The following NEB variants were observed in gnomAD, a reference collection of about 807,000 sequenced individuals.
NEB encodes the protein nebulin, also known as nemaline myopathy type 2.
A neutral mutation model predicts 952.2 loss-of-function variants in NEB; 512 were observed. That is an observed-to-expected ratio of 0.54 (90% CI 0.50 to 0.58). The LOEUF (loss-of-function observed/expected upper bound fraction) is 0.58, where lower values mean the gene tolerates loss of function less well. Among genes scored for constraint, NEB ranks in the 20% least tolerant of loss-of-function variants. The probability of loss-of-function intolerance (pLI) is 0.00; values close to 1 mark genes in which losing one functional copy is unlikely to be tolerated. For synonymous variants in NEB, 2,900 were observed against 3,149.8 expected, an observed-to-expected ratio of 0.92 and a Z score of 2.66; for missense variants, 8,428 against 9,231.1, an observed-to-expected ratio of 0.91 and a Z score of 3.56.
chr2:151,497,267 G>C (rs1298657510), intron 171 of NEB: 5 of 913,110 alleles, frequency 5.5e-6, no homozygotes, highest in African/African-American at 3.6e-5. Context: ...AAGGCTGTCA[G>C]AGTTATCCAT....
intron 13 of NEB, among the ~76,000 whole-genome samples, chr2:151,698,589 G>A (rs1387189192): frequency 6.8e-6 from 1 of 147,804 alleles, no homozygotes; most frequent in Admixed American, 6.7e-5. Context: ...CTCTTAGCAT[G>A]TTTTCAAGCT....
At chr2:151,672,715 G>A (rs1453968796) in intron 36 of NEB, 35 bp from the exon 37 acceptor site, 3 of 1,522,218 alleles carry the variant, frequency 2.0e-6, no homozygotes, top group Admixed American at 1.8e-5. Context: ...AAAGTCCTAG[G>A]CATTGATAGC....
chr2:151,537,928 T>A lies in NEB; in HGVS notation c.21046A>T (p.Ile7016Phe), dbSNP rs568473495. ...YMSQLGIWRS[I>F]PDRPEHFHHR... ...TGGAAATGCTCTGGACGATCAGGAA[T>A]GGACCTCCAGATACCCAACTGGCTC... Residue 7016 changes from isoleucine (I) to phenylalanine (F), a missense_variant, in exon 140 of 182, where the codon ATT becomes TTT. Transcript: ENST00000397345. 3.1e-6 allele frequency: 5 copies of A among 1,613,558 alleles called. No homozygotes were observed. In the Admixed American group the frequency reaches 5.0e-5, roughly 16 times the overall value.
Position 151,723,501 on chromosome 2 carries a change from A to G in NEB, c.613-15T>C, listed in dbSNP as rs765317009. On this transcript the variant is annotated splice_polypyrimidine_tract_variant and intron_variant, in intron 8 of 181. Coordinates refer to ENST00000397345, the MANE Select transcript of NEB (RefSeq NM_001164508.2). ...GTGTACAGTTTCTAAATCAAAAAAG[A>G]GTGAAAAGTTAGGAGGAAGTAGGGT... is the stretch of plus-strand genomic sequence containing the variant. 1 of 1,572,744 alleles carries G rather than the reference A, an allele frequency of 6.4e-7. No homozygotes were observed. The highest frequency in any genetic ancestry group is 1.1e-5 in the South Asian group (1 of 87,006).
intron 10 of NEB, among the ~76,000 whole-genome samples, chr2:151,713,560 T>A (rs964096604): frequency 6.6e-6 from 1 of 152,180 alleles, no homozygotes; most frequent in Non-Finnish European, 1.5e-5. Flanking sequence ...TAGGCTCCAG[T>A]TGGTATCAGT....
At chr2:151,551,673 G>C in intron 129 of NEB, 65 bp downstream of exon 129, 1 of 1,289,888 alleles carries the variant, frequency 7.8e-7, no homozygotes, top group South Asian at 1.3e-5. Context: ...AGCAAGCTCA[G>C]CTTGCTTCCA....
At chr2:151,519,909 A>C (rs966580425) in intron 153 of NEB, 141 bp from the exon 154 acceptor site, 8 of 572,260 alleles carry the variant, frequency 1.4e-5, no homozygotes, top group Non-Finnish European at 2.5e-5. Context: ...TGGGACATTT[A>C]GAGTAAAGAA....
Position 151,553,963 on chromosome 2 carries a change from T to A in NEB, c.19491A>T (p.Val6497=). Residue 6497 remains valine (V), a synonymous_variant, in exon 126 of 182, where the codon GTA becomes GTT. Transcript: ENST00000397345. ...KMKIHIVPDM[V]EMVTAKDSQK... ...GGGAATCCTTGGCAGTAACCATCTC[T>A]ACCATGTCGGGCACGATGTGGATTT... 6.2e-7 allele frequency: 1 copy of A among 1,613,924 alleles called. No homozygotes were observed. The highest frequency in any genetic ancestry group is 8.5e-7 in the Non-Finnish European group (1 of 1,179,812).
Position 151,641,329 on chromosome 2 carries a change from G to A in NEB, c.8374-663C>T, listed in dbSNP as rs965111924. 4.6e-5 allele frequency among the ~76,000 whole-genome samples: 7 copies of A among 151,542 alleles called. No individual in the cohort carries two copies. In the East Asian group the frequency reaches 1.2e-3, roughly 25 times the overall value. ...CTTTGCACACATGACTGTTTTTTTT[G>A]TTTTGTTTTGTTTTGTATTTTAGAA... On this transcript the variant is annotated intron_variant, in intron 60 of 181. Coordinates refer to ENST00000397345, the MANE Select transcript of NEB (RefSeq NM_001164508.2).
intron 146 of NEB, among the ~76,000 whole-genome samples, chr2:151,528,004 A>G (rs1253486253): frequency 6.6e-6 from 1 of 152,242 alleles, no homozygotes. Context: ...AATTAAATGA[A>G]TTATAAAATT....
chr2:151,655,345 A>C lies in NEB; in HGVS notation c.6732T>G (p.Asp2244Glu), dbSNP rs765096308. The part of the protein sequence containing the change: ...KHLYTIDWNK[D>E]KTKIHVMPDT... ...CAGGCATCACATGAATCTTGGTCTT[A>C]TCTTTATTCCAATCAATGGTGTATA... is the stretch of plus-strand genomic sequence containing the variant. Residue 2244 changes from aspartate (D) to glutamate (E), a missense_variant, in exon 51 of 182, where the codon GAT (aspartate) becomes GAG (glutamate). Coordinates refer to ENST00000397345, the MANE Select transcript of NEB (RefSeq NM_001164508.2). The C allele has an allele frequency of 4.4e-6, 7 of 1,598,518 alleles. No homozygotes were observed. The East Asian group carries it at 6.7e-5, about 15-fold the overall frequency.
At chr2:151,551,995 G>T (rs1315057117) in intron 128 of NEB, 150 bp from the exon 129 acceptor site, 1 of 601,570 alleles carries the variant, frequency 1.7e-6, no homozygotes, top group Non-Finnish European at 2.9e-6. Flanking sequence ...GCCAGCGTGT[G>T]GACACTCACA....
chr2:151,509,367 C>T lies in NEB; in HGVS notation c.23347-1258G>A, dbSNP rs188932786. Among the ~76,000 whole-genome samples, 456 of 152,284 alleles carry T rather than the reference C, an allele frequency of 3.0e-3. 1 individual carries two copies. The highest frequency in any genetic ancestry group is 4.7e-3 in the Non-Finnish European group (322 of 68,012). ...GTCCTGGGAAAAGAATAGAAACAAT[C>T]GTCCTTTTATTTTATTTTTATTGTT... On this transcript the variant is annotated intron_variant, in intron 161 of 181. Coordinates refer to ENST00000397345, the MANE Select transcript of NEB (RefSeq NM_001164508.2).
In NEB at chr2:151,675,330, G is replaced by A; in HGVS notation, c.3836C>T (p.Pro1279Leu). The A allele has an allele frequency of 1.9e-6, 3 of 1,595,810 alleles. No homozygotes were observed. Among genetic ancestry groups the A allele is most frequent in the Non-Finnish European group, 2.6e-6 (3 of 1,169,650 alleles). The change falls in exon 35 of 182, where the codon CCT becomes CTT. Residue 1279 changes from proline to leucine, a missense_variant. Pro to Leu is a moderately conservative substitution (Grantham distance 98). Transcript: ENST00000397345. Reference protein sequence around the residue: ...KHKYTMSPDLPQFLQAKCNAY... With the variant: ...KHKYTMSPDLLQFLQAKCNAY... Reference sequence around the variant, plus strand: ...ATTGCACTTGGCCTGGAGAAACTGAGGAAGATCAGGACTCATGGTGTATTT... The same window carrying A: ...ATTGCACTTGGCCTGGAGAAACTGAAGAAGATCAGGACTCATGGTGTATTT...
Position 151,612,242 on chromosome 2 carries a change from T to C in NEB, c.11749A>G (p.Ile3917Val). The change falls in exon 78 of 182, where the codon ATT becomes GTT. Residue 3917 changes from isoleucine to valine, a missense_variant. Around this residue, in one of 11 missense-constraint regions of NEB, gnomAD observed 337 missense variants for 297.5 expected, o/e 1.13. Coordinates refer to ENST00000397345, the MANE Select transcript of NEB (RefSeq NM_001164508.2). The part of the protein sequence containing the change: ...QPADQLKFTC[I>V]TDTPEIVLAK... ...AGGACAATTTCCGGAGTGTCGGTAA[T>C]GCATGTGAATTTGAGCTGGTCTGCA... 2 of 1,613,874 alleles carry C rather than the reference T, an allele frequency of 1.2e-6. No individual in the cohort carries two copies. Among genetic ancestry groups the C allele is most frequent in the African/African-American group, 1.3e-5 (1 of 75,026 alleles).
At chr2:151,643,778 A>C (rs773598219) in intron 57 of NEB, 40 bp downstream of exon 57, 2 of 1,596,488 alleles carry the variant, frequency 1.3e-6, no homozygotes, top group South Asian at 2.3e-5. Context: ...TAAAAAGCAG[A>C]CATAATGTTT....
At chr2:151,712,037 T>A (rs1321121488) in intron 10 of NEB, among the ~76,000 whole-genome samples, 1 of 152,218 alleles carries the variant, frequency 6.6e-6, no homozygotes, top group East Asian at 1.9e-4. Context: ...CATCTTTTTT[T>A]TGGAGACAGA....
At chr2:151,493,541 G>T in intron 175 of NEB, 96 bp from the exon 176 acceptor site, 1 of 805,934 alleles carries the variant, frequency 1.2e-6, no homozygotes, top group Non-Finnish European at 1.9e-6. Flanking sequence ...TTATGGCTCA[G>T]TTATATCACA....
At chr2:151,725,390 C>T (rs2099787425) in intron 6 of NEB, 63 bp downstream of exon 6, 1 of 1,343,568 alleles carries the variant, frequency 7.4e-7, no homozygotes, top group Non-Finnish European at 1.0e-6. Context: ...TTAGAGCCCA[C>T]AATTCCCAGC....
Sources: allele counts gnomAD v4.1 joint callset (sites outside exome capture counted in the v4.1 genomes callset), GRCh38; gene constraint gnomAD v4.1.1; regional missense constraint gnomAD v4.1.1; transcripts MANE v1.5; gene names NCBI Gene and HGNC (gene_info 2026-07-23, HGNC 2026-07-21).